The following MIER1 variants were observed in gnomAD, a reference collection of about 807,000 sequenced individuals.
MIER1 encodes mesoderm induction early response protein 1.
A neutral mutation model predicts 75.7 loss-of-function variants in MIER1; 40 were observed. The ratio of observed to expected loss-of-function variants is 0.53; its 90% CI spans 0.41 to 0.69. The LOEUF (loss-of-function observed/expected upper bound fraction) is 0.69, where lower values mean the gene tolerates loss of function less well. Among genes scored for constraint, MIER1 ranks in the 30% least tolerant of loss-of-function variants. The pLI is 0.00. For missense variants in MIER1, 574 were observed against 680.2 expected (o/e 0.84, Z 1.74); for synonymous variants, 213 against 223.4 (o/e 0.95, Z 0.42).
intron 4 of MIER1, among the ~76,000 whole-genome samples, chr1:66,950,426 T>C (rs1658653727): frequency 6.6e-6 from 1 of 152,180 alleles, no homozygotes; most frequent in Admixed American, 6.5e-5. Flanking sequence ...CATTTTTGTT[T>C]GCTACAAATA....
rs1666721010 is a variant in MIER1 at position 66,985,901 on chromosome 1, G to GT, written c.*1004dup. The stretch of plus-strand genomic sequence containing the variant: ...AATTAAGCATGATGCTTAGATTGCA[G>GT]TTTGTTTTGCATTTGCTATAATTTT... On this transcript the variant is annotated 3_prime_UTR_variant, in exon 14 of 14. Transcript: ENST00000401041. 1 of 972,728 alleles carries GT rather than the reference G, an allele frequency of 1.0e-6. No homozygotes were observed. Among genetic ancestry groups the GT allele is most frequent in the Non-Finnish European group, 1.2e-6 (1 of 820,938 alleles). The allele number at this position is 972,728 out of a possible 1,614,324, so 60.3% of individuals were successfully genotyped here.
At chr1:66,976,230 C>T (rs1365029727) in intron 11 of MIER1, among the ~76,000 whole-genome samples, 1 of 151,134 alleles carries the variant, frequency 6.6e-6, no homozygotes, top group African/African-American at 2.5e-5. Flanking sequence ...TCTTGAACTC[C>T]TGACCTCGTG....
chr1:66,934,352 C>T (rs191724815), intron 2 of MIER1, among the ~76,000 whole-genome samples: 1 of 152,110 alleles, frequency 6.6e-6, no homozygotes, highest in East Asian at 1.9e-4. Context: ...TAGACTGGAA[C>T]CCAGCCTTCT....
In MIER1 at chr1:66,987,797, C is replaced by CTAGA. The variant is rs1193290866; in HGVS notation, c.*2898_*2901dup. 1 of 152,056 alleles carries CTAGA rather than the reference C, an allele frequency of 6.6e-6. No homozygotes were observed. The highest frequency in any genetic ancestry group is 1.5e-5 in the Non-Finnish European group (1 of 67,932). 9.4% of individuals were successfully genotyped at this position (152,056 alleles called of 1,614,324 possible). Reference sequence around the variant, plus strand: ...TATACACAGTCTGTTTCTTCTATTCCTAGACATATTGCACTACTTTTTCAG... The same window carrying CTAGA: ...TATACACAGTCTGTTTCTTCTATTCCTAGATAGACATATTGCACTACTTTTTCAG... On this transcript the variant is annotated 3_prime_UTR_variant, in exon 14 of 14. Transcript: ENST00000401041.
At chr1:66,943,403 T>C (rs1656710661) in intron 3 of MIER1, among the ~76,000 whole-genome samples, 2 of 152,220 alleles carry the variant, frequency 1.3e-5, no homozygotes, top group Non-Finnish European at 2.9e-5. Flanking sequence ...TAAATTATTC[T>C]AAAACTTTGA....
At position 66,986,120 on chromosome 1, in the gene MIER1, G is replaced by A. The variant is rs902574622; in HGVS notation, c.*1220G>A. 5.3e-5 allele frequency: 59 copies of A among 1,110,420 alleles called. No individual in the cohort carries two copies. The highest frequency in any genetic ancestry group is 6.2e-5 in the Non-Finnish European group (56 of 910,284). 68.8% of individuals were successfully genotyped at this position (1,110,420 alleles called of 1,614,324 possible). ...GGAACAACTGTTGGCAGGCAGTATC[G>A]ATTTTATGAAGAGAAAGTGAAGTTT... is the stretch of plus-strand genomic sequence containing the variant. On this transcript the variant is annotated 3_prime_UTR_variant, in exon 14 of 14. Transcript: ENST00000401041.
rs560141167 is a variant in MIER1, at chr1:66,945,354, A to G, written c.194-796A>G. Among the ~76,000 whole-genome samples the G allele has an allele frequency of 6.8e-5, 10 of 147,994 alleles. No individual in the cohort carries two copies. The East Asian group carries it at 2.0e-3, about 29-fold the overall frequency. On this transcript the variant is annotated intron_variant, in intron 3 of 13. Transcript: ENST00000401041. ...ATAGGTAAATGCTATGTAAATAGTT[A>G]TACTGTGTTGTTTGGGGAATAATGA...
At chr1:66,927,420 A>C (rs1440703366) in intron 2 of MIER1, among the ~76,000 whole-genome samples, 1 of 152,126 alleles carries the variant, frequency 6.6e-6, no homozygotes, top group East Asian at 1.9e-4. Context: ...ACTGTTTTGG[A>C]TATCACATTA....
intron 7 of MIER1, chr1:66,960,158 C>T (rs560680795): frequency 6.6e-6 from 1 of 152,338 alleles, no homozygotes; most frequent in African/African-American, 2.4e-5. Context: ...AAAAGTATCA[C>T]GTATATGTTT....
Position 66,986,062 on chromosome 1 carries a change from G to C in MIER1, c.*1162G>C. ...CTGCATTAAATAAACAGAGGAGGGG[G>C]GTCAAGTGATACTTAGATATTGGCA... On this transcript the variant is annotated 3_prime_UTR_variant, in exon 14 of 14. Coordinates refer to ENST00000401041, the MANE Select transcript of MIER1 (RefSeq NM_001077700.3). 1 of 1,019,996 alleles carries C rather than the reference G, an allele frequency of 9.8e-7. No homozygotes were observed. Among genetic ancestry groups the C allele is most frequent in the Non-Finnish European group, 1.2e-6 (1 of 853,016 alleles). The allele number at this position is 1,019,996 out of a possible 1,614,324, so 63.2% of individuals were successfully genotyped here.
chr1:66,959,065 C>A, intron 6 of MIER1, 82 bp downstream of exon 6: 1 of 1,146,362 alleles, frequency 8.7e-7, no homozygotes, highest in Non-Finnish European at 1.3e-6. Flanking sequence ...TTAAACTGGT[C>A]TTTGAATTCA....
chr1:66,960,234 C>G (rs1660996941), intron 7 of MIER1, among the ~76,000 whole-genome samples: 2 of 152,064 alleles, frequency 1.3e-5, no homozygotes, highest in African/African-American at 2.4e-5. Context: ...TTTAGTAGTT[C>G]ATATTGCAAG....
At chr1:66,980,007 A>G (rs1051331028) in intron 12 of MIER1, among the ~76,000 whole-genome samples, 2 of 151,298 alleles carry the variant, frequency 1.3e-5, no homozygotes, top group African/African-American at 4.9e-5. Flanking sequence ...CAGGTGATCC[A>G]CCTGCCTCGG....
At chr1:66,942,285 A>T (rs965956650) in intron 3 of MIER1, among the ~76,000 whole-genome samples, 3 of 152,204 alleles carry the variant, frequency 2.0e-5, no homozygotes, top group African/African-American at 7.2e-5. Flanking sequence ...TAGTCACATG[A>T]CCACATTAAT....
At chr1:66,972,235 C>CATATATATATATATATATATATACTACAT (rs1663792988) in intron 10 of MIER1, among the ~76,000 whole-genome samples, 1 of 63,708 alleles carries the variant, frequency 1.6e-5, no homozygotes, top group Non-Finnish European at 3.1e-5. Flanking sequence ...ATATACACTA[C>CATATATATATATATATATATATACTACAT]ATATATATAT....
Position 66,971,106 on chromosome 1 carries a change from G to A in MIER1, c.924+147G>A, listed in dbSNP as rs755504813. 157 of 704,846 alleles carry A rather than the reference G, an allele frequency of 2.2e-4. 1 individual carries two copies. The highest frequency in any genetic ancestry group is 3.0e-4 in the Non-Finnish European group (139 of 461,236). 43.7% of individuals were successfully genotyped at this position (704,846 alleles called of 1,614,324 possible). On this transcript the variant is annotated intron_variant, in intron 9 of 13. Transcript: ENST00000401041. The stretch of plus-strand genomic sequence containing the variant: ...AGGTTATAATCCCTGTAAGATATCC[G>A]TTGTTACCACAGTGACTTCATTGGT...
chr1:66,966,905 A>G (rs1032087085), intron 8 of MIER1, among the ~76,000 whole-genome samples: 2 of 152,064 alleles, frequency 1.3e-5, no homozygotes, highest in Non-Finnish European at 2.9e-5. Flanking sequence ...TATATATTCT[A>G]GTTATTAGTG....
chr1:66,926,110 T>C (rs1446461277), intron 1 of MIER1, 32 bp from the exon 2 acceptor site: 1 of 1,553,192 alleles, frequency 6.4e-7, no homozygotes, highest in Non-Finnish European at 8.9e-7. Context: ...TTCTGTCTCC[T>C]TGCTACTGAG....
At chr1:66,929,628 G>A (rs535206594) in intron 2 of MIER1, among the ~76,000 whole-genome samples, 86 of 152,284 alleles carry the variant, frequency 5.6e-4, no homozygotes, top group African/African-American at 1.9e-3. Flanking sequence ...TTTAAATTTT[G>A]TCTAGTTGTG....
Sources: gnomAD v4.1 joint callset for allele counts (sites outside exome capture counted in the v4.1 genomes callset) on GRCh38, gnomAD v4.1.1 for gene constraint, MANE v1.5 for transcripts, NCBI Gene and HGNC (gene_info 2026-07-23, HGNC 2026-07-21) for gene names.